The following HMCN2 variants were observed in gnomAD, a reference collection of about 807,000 sequenced individuals.
The protein encoded by HMCN2 is hemicentin-2.
Under a neutral mutation model 377.5 loss-of-function variants are expected in HMCN2, and 325 were observed. That is an observed-to-expected ratio of 0.86 (90% CI 0.79 to 0.94). HMCN2 has a LOEUF of 0.94. Ranked by LOEUF, HMCN2 falls within the 40% of genes least tolerant of loss-of-function variation. The probability of loss-of-function intolerance (pLI) is 0.00; values close to 1 mark genes in which losing one functional copy is unlikely to be tolerated. For missense variants in HMCN2, 4,543 were observed against 4,725.3 expected, an observed-to-expected ratio of 0.96 and a Z score of 1.13; for synonymous variants, 2,007 against 2,046.8, an observed-to-expected ratio of 0.98 and a Z score of 0.53.
chr9:130,385,674 C>G lies in HMCN2; in HGVS notation c.9221C>G (p.Thr3074Ser). 1 of 1,304,214 alleles carries G rather than the reference C, an allele frequency of 7.7e-7. No homozygotes were observed. The highest frequency in any genetic ancestry group is 5.6e-5 in the East Asian group (1 of 18,014). 80.8% of individuals were successfully genotyped at this position (1,304,214 alleles called of 1,614,324 possible). A position where few individuals can be genotyped will look rare whatever the true frequency, so the allele number is the denominator to read the frequency against. ...ETDALPEPTV[T>S]WYKDGQPLVL... ...GATGCGCTCCCTGAGCCAACTGTGACCTGGTACAAGGATGGGCAGCCCCTG... is the reference window on the plus strand; with the variant it reads ...GATGCGCTCCCTGAGCCAACTGTGAGCTGGTACAAGGATGGGCAGCCCCTG... Residue 3074 changes from threonine (T) to serine (S), a missense_variant, in exon 60 of 98, where the codon ACC (threonine) becomes AGC (serine). Transcript: ENST00000683500.
At chr9:130,400,736 T>A in intron 76 of HMCN2, 47 bp from the exon 77 acceptor site, 1 of 1,242,018 alleles carries the variant, frequency 8.1e-7, no homozygotes, top group Non-Finnish European at 1.0e-6. Context: ...TGGCCGTGAG[T>A]GCCCTGTGCC....
intron 7 of HMCN2, among the ~76,000 whole-genome samples, chr9:130,297,136 C>T (rs1333598494): frequency 1.3e-5 from 2 of 152,196 alleles, no homozygotes; most frequent in African/African-American, 4.8e-5. Flanking sequence ...AACATATCTG[C>T]CTAGAGTCCT....
At chr9:130,367,141 T>C (rs1266419372) in intron 43 of HMCN2, among the ~76,000 whole-genome samples, 2 of 151,616 alleles carry the variant, frequency 1.3e-5, no homozygotes, top group Admixed American at 1.3e-4. Context: ...GAATCAGGGA[T>C]GATGGAGGAG....
chr9:130,380,298 G>T (rs531579511), intron 54 of HMCN2, among the ~76,000 whole-genome samples: 80 of 152,266 alleles, frequency 5.3e-4, no homozygotes, highest in African/African-American at 1.9e-3. Context: ...GACTTAAAAG[G>T]CTCCAGGGGT....
Position 130,374,618 on chromosome 9 carries a change from A to G in HMCN2, c.7555A>G (p.Ser2519Gly). The G allele has an allele frequency of 1.0e-6, 1 of 985,794 alleles. No homozygotes were observed. Among genetic ancestry groups the G allele is most frequent in the Non-Finnish European group, 1.2e-6 (1 of 829,946 alleles). 61.1% of individuals were successfully genotyped at this position (985,794 alleles called of 1,614,324 possible). The change falls in exon 49 of 98, where the codon AGT becomes GGT. Residue 2519 changes from serine to glycine, a missense_variant. Around this residue, in one of 5 missense-constraint regions of HMCN2, gnomAD observed 736 missense variants for 773.2 expected, o/e 0.95. Transcript: ENST00000683500. ...GCAGGTCCTCCAGGCAAACCTGTCCAGTGCTGGCCACTACTCCTGCATTGC... is the reference window on the plus strand; with the variant it reads ...GCAGGTCCTCCAGGCAAACCTGTCCGGTGCTGGCCACTACTCCTGCATTGC... Reference protein sequence around the residue: ...LLQVLQANLSSAGHYSCIAAN... With the variant: ...LLQVLQANLSGAGHYSCIAAN...
chr9:130,285,225 G>T lies in HMCN2; in HGVS notation c.398G>T (p.Gly133Val). ...GCTGCCGTGGAGGTTGCCAACCCCG[G>T]ATCCTTCATCTACGTCTTTTCGGAT... The part of the protein sequence containing the change: ...IKAAVEVANP[G>V]SFIYVFSDAR... The change falls in exon 3 of 98, where the codon GGA becomes GTA. Residue 133 changes from glycine (G) to valine (V), a missense_variant. Coordinates refer to ENST00000683500, the MANE Select transcript of HMCN2 (RefSeq NM_001291815.2). 1 of 471,162 alleles carries T rather than the reference G, an allele frequency of 2.1e-6. No individual in the cohort carries two copies. The highest frequency in any genetic ancestry group is 4.4e-6 in the Non-Finnish European group (1 of 227,056). The allele number at this position is 471,162 out of a possible 1,614,324, so 29.2% of individuals were successfully genotyped here.
At chr9:130,344,640 T>A (rs1211000339) in intron 25 of HMCN2, among the ~76,000 whole-genome samples, 2 of 151,348 alleles carry the variant, frequency 1.3e-5, no homozygotes, top group African/African-American at 2.4e-5. Context: ...GTGTATGGTG[T>A]TTGGTGTATA....
rs1373965027 is a variant in HMCN2 at position 130,428,682 on chromosome 9, C to A, written c.14197+193C>A. The stretch of plus-strand genomic sequence containing the variant: ...TGGAGGTCTGAGCCCTCCCCTGGCT[C>A]CTGGCAGCTGGCACCTTCTTTGACA... On this transcript the variant is annotated intron_variant, in intron 93 of 97. Transcript: ENST00000683500. This position sits in a 1 kb window ranked among gnomAD's most constrained non-coding sequence, Gnocchi z 5.0. Among the ~76,000 whole-genome samples, 1 of 152,174 alleles carries A rather than the reference C, an allele frequency of 6.6e-6. No homozygotes were observed. Among genetic ancestry groups the A allele is most frequent in the Non-Finnish European group, 1.5e-5 (1 of 68,022 alleles).
rs892730423 is a variant in HMCN2 at position 130,349,566 on chromosome 9, G to A, written c.4333G>A (p.Ala1445Thr). The A allele has an allele frequency of 6.1e-6, 8 of 1,303,518 alleles. No homozygotes were observed. Among genetic ancestry groups the A allele is most frequent in the African/African-American group, 1.5e-5 (1 of 65,972 alleles). 80.7% of individuals were successfully genotyped at this position (1,303,518 alleles called of 1,614,324 possible). A position where few individuals can be genotyped will look rare whatever the true frequency, so the allele number is the denominator to read the frequency against. ...TPPSVLGAGAAQEVLGLAGAD... is the reference protein window; with the variant it reads ...TPPSVLGAGATQEVLGLAGAD... ...TCCTTCCGTGCTTGGAGCCGGGGCC[G>A]CTCAGGAGGTGCTAGGATTGGCCGG... Residue 1445 changes from alanine (A) to threonine (T), a missense_variant, in exon 29 of 98, where the codon GCT becomes ACT. Physicochemically the swap from Ala to Thr is moderately conservative, Grantham distance 58. Around this residue, in one of 5 missense-constraint regions of HMCN2, gnomAD observed 1,032 missense variants for 1,285.1 expected, o/e 0.80. Transcript: ENST00000683500.
At chr9:130,331,006 C>G in intron 22 of HMCN2, among the ~76,000 whole-genome samples, 1 of 150,668 alleles carries the variant, frequency 6.6e-6, no homozygotes, top group Non-Finnish European at 1.5e-5. Flanking sequence ...CACACACACA[C>G]AAATAGCCGG....
chr9:130,432,340 C>T, intron 96 of HMCN2, 89 bp from the exon 97 acceptor site: 1 of 1,270,246 alleles, frequency 7.9e-7, no homozygotes, highest in Non-Finnish European at 1.1e-6. Flanking sequence ...CACTGGTCCC[C>T]CAAAGGTACT....
intron 1 of HMCN2, among the ~76,000 whole-genome samples, chr9:130,280,148 GTGTT>G (rs1374215343): frequency 3.2e-5 from 3 of 92,340 alleles, no homozygotes; most frequent in African/African-American, 1.3e-4. Context: ...GTGTGTGTGT[GTGTT>G]TTTTTTTTTT....
At position 130,309,982 on chromosome 9, in the gene HMCN2, G is replaced by T. The variant is rs781898950; in HGVS notation, c.2271G>T (p.Glu757Asp). Reference sequence around the variant, plus strand: ...AGCTGCGGATCCCGGCGGCTCAGGAGAGGGATGCTGGCACCTACACCTGCC... The same window carrying T: ...AGCTGCGGATCCCGGCGGCTCAGGATAGGGATGCTGGCACCTACACCTGCC... ...SGKLRIPAAQ[E>D]RDAGTYTCRA... The change falls in exon 15 of 98, where the codon GAG becomes GAT. Residue 757 changes from glutamate to aspartate, a missense_variant. Coordinates refer to ENST00000683500, the MANE Select transcript of HMCN2 (RefSeq NM_001291815.2). The T allele has an allele frequency of 5.8e-5, 31 of 533,112 alleles. No individual in the cohort carries two copies. The highest frequency in any genetic ancestry group is 4.1e-4 in the South Asian group (29 of 71,134). The allele number at this position is 533,112 out of a possible 1,614,324, so 33.0% of individuals were successfully genotyped here.
chr9:130,383,031 C>G (rs1349590563), intron 56 of HMCN2, among the ~76,000 whole-genome samples, 165 bp downstream of exon 56: 2 of 152,214 alleles, frequency 1.3e-5, no homozygotes, highest in Non-Finnish European at 2.9e-5. Flanking sequence ...TGGGCCAGCA[C>G]AGGCCTGTGC....
chr9:130,305,956 C>T (rs1420029761), intron 11 of HMCN2, among the ~76,000 whole-genome samples, 173 bp from the exon 12 acceptor site: 1 of 152,200 alleles, frequency 6.6e-6, no homozygotes. Flanking sequence ...GCCGCCTGGT[C>T]TACCCAATTC....
At chr9:130,406,938 A>G (rs1436396550) in intron 82 of HMCN2, 1 of 153,260 alleles carries the variant, frequency 6.5e-6, no homozygotes, top group Non-Finnish European at 1.5e-5. Flanking sequence ...CCCACCCCAA[A>G]GGAAAAGTTC....
intron 90 of HMCN2, 86 bp downstream of exon 90, chr9:130,426,010 C>T: frequency 2.1e-6 from 2 of 968,008 alleles, no homozygotes; most frequent in South Asian, 3.1e-5. Context: ...GAATCCACCC[C>T]TGCCCCTAAC....
rs1554938362 is a variant in HMCN2 at position 130,309,942 on chromosome 9, G to C, written c.2231G>C (p.Gly744Ala). The C allele has an allele frequency of 1.9e-6, 1 of 523,106 alleles. No homozygotes were observed. Among genetic ancestry groups the C allele is most frequent in the African/African-American group, 1.9e-5 (1 of 51,776 alleles). 32.4% of individuals were successfully genotyped at this position (523,106 alleles called of 1,614,324 possible). Residue 744 changes from glycine (G) to alanine (A), a missense_variant, in exon 15 of 98, where the codon GGC (glycine) becomes GCC (alanine). Gly to Ala is a moderately conservative substitution (Grantham distance 60). Transcript: ENST00000683500. ...GGLEMILAPE[G>A]SSSGKLRIPA... ...CTTGAAATGATCCTGGCCCCTGAGG[G>C]CTCCAGCTCTGGGAAGCTGCGGATC...
Position 130,386,447 on chromosome 9 carries a change from C to T in HMCN2, c.9314C>T (p.Ser3105Leu), listed in dbSNP as rs1000646747. 13 of 1,302,912 alleles carry T rather than the reference C, an allele frequency of 1.0e-5. No homozygotes were observed. The Admixed American group carries it at 1.1e-4, about 12-fold the overall frequency. The allele number at this position is 1,302,912 out of a possible 1,614,324, so 80.7% of individuals were successfully genotyped here. The change falls in exon 61 of 98, where the codon TCG (serine) becomes TTG (leucine). Residue 3105 changes from serine to leucine, a missense_variant. Physicochemically the swap from Ser to Leu is moderately radical, Grantham distance 145. Around this residue, in one of 5 missense-constraint regions of HMCN2, gnomAD observed 736 missense variants for 773.2 expected, o/e 0.95. Transcript: ENST00000683500. Reference protein sequence around the residue: ...QRLEIQEAQVSDKGLYSCKVS... With the variant: ...QRLEIQEAQVLDKGLYSCKVS... ...TGTGTGCTCTTCCTCTTTCAGGTAT[C>T]GGATAAAGGTTTATACAGCTGTAAA...
Sources: allele counts gnomAD v4.1 joint callset (sites outside exome capture counted in the v4.1 genomes callset), GRCh38; gene constraint gnomAD v4.1.1; regional missense constraint gnomAD v4.1.1; non-coding constraint Gnocchi (gnomAD v3.1); transcripts MANE v1.5; gene names NCBI Gene and HGNC (gene_info 2026-07-23, HGNC 2026-07-21).